Variants in SLC44A2 observed in about 807,000 individuals in gnomAD.
SLC44A2 encodes the protein solute carrier family 44 member 2 (CTL2 blood group).
A neutral mutation model predicts 90.8 loss-of-function variants in SLC44A2; 57 were observed. The ratio of observed to expected loss-of-function variants is 0.63; its 90% CI spans 0.51 to 0.78. SLC44A2 has a LOEUF of 0.78. SLC44A2 is among the 30% of genes least tolerant of loss of function. The probability of loss-of-function intolerance (pLI) is 0.00; values close to 1 mark genes in which losing one functional copy is unlikely to be tolerated. For missense variants in SLC44A2, 794 were observed against 919.7 expected (o/e 0.86, Z 1.77); for synonymous variants, 355 against 360.7 (o/e 0.98, Z 0.18).
rs2288904 is a variant in SLC44A2, at chr19:10,631,494, A to G, written c.461A>G (p.Gln154Arg). ...TGGCAGGGAGTGGCTGAGGTGCTTC[A>G]AGATGGTGACTGCCCTGCTGTCCTC... ...KNNKGVAEVL[Q>R]DGDCPAVLIP... is the part of the protein sequence containing the mutation. Residue 154 changes from glutamine (Q) to arginine (R), a missense_variant, in exon 7 of 22, where the codon CAA becomes CGA. Coordinates refer to ENST00000335757, the MANE Select transcript of SLC44A2 (RefSeq NM_020428.4). 1,271,054 of 1,613,838 alleles carry G rather than the reference A, an allele frequency of 0.79. 502,435 individuals are homozygous for G. The highest frequency in any genetic ancestry group is 0.94 in the African/African-American group (70,199 of 74,998).
chr19:10,643,268 T>C lies in SLC44A2; in HGVS notation c.2015-11T>C. 6.2e-7 allele frequency: 1 copy of C among 1,606,270 alleles called. No individual in the cohort carries two copies. The highest frequency in any genetic ancestry group is 8.5e-7 in the Non-Finnish European group (1 of 1,175,856). On this transcript the variant is annotated splice_polypyrimidine_tract_variant and intron_variant, in intron 21 of 21. Transcript: ENST00000335757. ...CCCTCATGCCTCCTGCTCTGGGACC[T>C]CTCTCCACAGTGGAGGACCTGGAGA...
intron 1 of SLC44A2, among the ~76,000 whole-genome samples, chr19:10,616,889 C>G (rs147926306): frequency 5.9e-5 from 9 of 152,032 alleles, no homozygotes; most frequent in Admixed American, 5.9e-4. Flanking sequence ...ACTACAGGCA[C>G]GGACCACCAC....
rs1005003268 is a variant in SLC44A2, at chr19:10,637,847, C to T, written c.1696-9C>T. 2 of 1,614,040 alleles carry T rather than the reference C, an allele frequency of 1.2e-6. No individual in the cohort carries two copies. The highest frequency in any genetic ancestry group is 2.7e-5 in the African/African-American group (2 of 74,926). ...GTGGGTCTGATCTCTCCCTCCCACTCTCCTCCAGATTGCCATCTACGGCAC... is the reference window on the plus strand; with the variant it reads ...GTGGGTCTGATCTCTCCCTCCCACTTTCCTCCAGATTGCCATCTACGGCAC... On this transcript the variant is annotated splice_polypyrimidine_tract_variant and intron_variant, in intron 17 of 21. Transcript: ENST00000335757.
chr19:10,632,125 G>A lies in SLC44A2; in HGVS notation c.792G>A (p.Met264Ile). 6.2e-7 allele frequency: 1 copy of A among 1,614,112 alleles called. No homozygotes were observed. Among genetic ancestry groups the A allele is most frequent in the Non-Finnish European group, 8.5e-7 (1 of 1,180,016 alleles). ...TGGCTGGTATTATGGTCTGGGTGAT[G>A]ATCATCATGGTGATTCTGGTGCTGG... is the stretch of plus-strand genomic sequence containing the variant. ...RFLAGIMVWV[M>I]IIMVILVLGY... The change falls in exon 10 of 22, where the codon ATG (methionine) becomes ATA (isoleucine). Residue 264 changes from methionine (M) to isoleucine (I), a missense_variant. Met to Ile is a conservative substitution (Grantham distance 10). Transcript: ENST00000335757.
chr19:10,634,938 G>C, intron 11 of SLC44A2, 36 bp from the exon 12 acceptor site: 1 of 1,614,142 alleles, frequency 6.2e-7, no homozygotes, highest in Non-Finnish European at 8.5e-7. Flanking sequence ...TGGAGGGAGT[G>C]GGGAGCCCAG....
chr19:10,626,451 A>G (rs2066934744), intron 2 of SLC44A2, 150 bp downstream of exon 2: 1 of 659,686 alleles, frequency 1.5e-6, no homozygotes, highest in African/African-American at 1.8e-5. Flanking sequence ...CTCTGTCACC[A>G]GGCTGGAGTG....
At position 10,627,733 on chromosome 19, in the gene SLC44A2, A is replaced by G. The variant is rs199988453; in HGVS notation, c.98A>G (p.Asp33Gly). The stretch of plus-strand genomic sequence containing the variant: ...CCTCTGCTCCCCAGGGGCTGCACGG[A>G]TATCATATGCTGTGTGTTCCTGCTC... The part of the protein sequence containing the change: ...KGPIYNRGCT[D>G]IICCVFLLLA... The change falls in exon 3 of 22, where the codon GAT becomes GGT. Residue 33 changes from aspartate to glycine, a missense_variant. Physicochemically the swap from Asp to Gly is moderately conservative, Grantham distance 94. This residue lies in a region of SLC44A2 where 738 missense variants were observed against 841.1 expected (regional missense o/e 0.88). Transcript: ENST00000335757. The G allele has an allele frequency of 2.5e-4, 404 of 1,613,224 alleles. No individual in the cohort carries two copies. The highest frequency in any genetic ancestry group is 3.3e-4 in the Non-Finnish European group (394 of 1,179,972).
intron 21 of SLC44A2, 95 bp from the exon 22 acceptor site, chr19:10,643,184 A>C: frequency 6.7e-7 from 1 of 1,492,112 alleles, no homozygotes; most frequent in Non-Finnish European, 8.9e-7. Context: ...TAACCCTCTG[A>C]GGCTTCTCTG....
rs1010351219 is a variant in SLC44A2 at position 10,644,267 on chromosome 19, C to G, written c.*882C>G. Reference sequence around the variant, plus strand: ...GTGGAGGGCAGATGTCCTGGGCAAACCGGGCCCCTCTGCCCACACACCTCA... The same window carrying G: ...GTGGAGGGCAGATGTCCTGGGCAAAGCGGGCCCCTCTGCCCACACACCTCA... On this transcript the variant is annotated 3_prime_UTR_variant, in exon 22 of 22. Transcript: ENST00000335757. 1 of 152,642 alleles carries G rather than the reference C, an allele frequency of 6.6e-6. No individual in the cohort carries two copies. Among genetic ancestry groups the G allele is most frequent in the Admixed American group, 6.5e-5 (1 of 15,270 alleles). The allele number at this position is 152,642 out of a possible 1,614,324, so 9.5% of individuals were successfully genotyped here. A position where few individuals can be genotyped will look rare whatever the true frequency, so the allele number is the denominator to read the frequency against.
At chr19:10,636,128 G>T (rs150243855) in intron 14 of SLC44A2, 195 bp from the exon 15 acceptor site, 1 of 656,490 alleles carries the variant, frequency 1.5e-6, no homozygotes, top group South Asian at 2.1e-5. Flanking sequence ...TGACCCCAGT[G>T]ATGGCCACGT....
At position 10,642,521 on chromosome 19, in the gene SLC44A2, C is replaced by G; in HGVS notation, c.2014+70C>G. The G allele has an allele frequency of 6.3e-6, 9 of 1,436,414 alleles. No individual in the cohort carries two copies. The South Asian group carries it at 1.0e-4, about 16-fold the overall frequency. The allele number at this position is 1,436,414 out of a possible 1,614,324, so 89.0% of individuals were successfully genotyped here. A position where few individuals can be genotyped will look rare whatever the true frequency, so the allele number is the denominator to read the frequency against. ...TCTTTCCACTGGGCATCACATCACCCTCCAACGGGGCAACACGCTTGCCTG... is the reference window on the plus strand; with the variant it reads ...TCTTTCCACTGGGCATCACATCACCGTCCAACGGGGCAACACGCTTGCCTG... On this transcript the variant is annotated intron_variant, in intron 21 of 21. Transcript: ENST00000335757.
intron 4 of SLC44A2, among the ~76,000 whole-genome samples, chr19:10,629,927 G>C (rs2066976201): frequency 6.6e-6 from 1 of 151,770 alleles, no homozygotes; most frequent in Non-Finnish European, 1.5e-5. Context: ...CTAATTTTTT[G>C]TATTTTTAGT....
At chr19:10,638,803 T>C (rs2067086420) in intron 20 of SLC44A2, among the ~76,000 whole-genome samples, 1 of 142,504 alleles carries the variant, frequency 7.0e-6, no homozygotes, top group South Asian at 2.2e-4. Context: ...CCTGGCTAAC[T>C]TTTTTTTTTT....
At chr19:10,614,834 G>A (rs540759424) in intron 1 of SLC44A2, among the ~76,000 whole-genome samples, 10 of 151,890 alleles carry the variant, frequency 6.6e-5, no homozygotes, top group African/African-American at 2.2e-4. Context: ...AGCCGGACAT[G>A]GTGGTGCGTG....
rs758888463 is a variant in SLC44A2, at chr19:10,631,352, G to C, written c.408G>C (p.Lys136Asn). The C allele has an allele frequency of 2.5e-6, 4 of 1,614,030 alleles. No individual in the cohort carries two copies. The African/African-American group carries it at 4.0e-5, about 16-fold the overall frequency. ...ARSSRDFEYY[K>N]QFCVPGFKNN... ...GCTCCCGGGACTTTGAGTACTATAAGCAGTTCTGTGTTCCTGGCTTCAAGA... is the reference window on the plus strand; with the variant it reads ...GCTCCCGGGACTTTGAGTACTATAACCAGTTCTGTGTTCCTGGCTTCAAGA... Residue 136 changes from lysine to asparagine, a missense_variant, in exon 6 of 22, where the codon AAG (lysine) becomes AAC (asparagine). By Grantham distance (94) the Lys-to-Asn change is moderately conservative. Coordinates refer to ENST00000335757, the MANE Select transcript of SLC44A2 (RefSeq NM_020428.4).
intron 4 of SLC44A2, 95 bp downstream of exon 4, chr19:10,628,099 T>C: frequency 1.7e-6 from 2 of 1,186,222 alleles, no homozygotes; most frequent in South Asian, 2.6e-5. Flanking sequence ...AACAAGTGCT[T>C]ATAGGCTGGG....
At chr19:10,622,598 G>A (rs1274414916), upstream of SLC44A2, among the ~76,000 whole-genome samples, 1 of 151,860 alleles carries the variant, frequency 6.6e-6, no homozygotes, top group Non-Finnish European at 1.5e-5. Context: ...GCGGAGTCAT[G>A]GGATAATCAG....
At chr19:10,632,202 C>T in intron 10 of SLC44A2, 46 bp downstream of exon 10, 5 of 1,518,018 alleles carry the variant, frequency 3.3e-6, no homozygotes, top group South Asian at 1.1e-5. Context: ...AATCCGCACA[C>T]TGCCCTGCCC....
chr19:10,644,229 G>T lies in SLC44A2; in HGVS notation c.*844G>T, dbSNP rs10948. On this transcript the variant is annotated 3_prime_UTR_variant, in exon 22 of 22. Coordinates refer to ENST00000335757, the MANE Select transcript of SLC44A2 (RefSeq NM_020428.4). Reference sequence around the variant, plus strand: ...AAACTAAACCCACCCAAGGGATGATGTCAGGGGGAGAGGTGGAGGGCAGAT... The same window carrying T: ...AAACTAAACCCACCCAAGGGATGATTTCAGGGGGAGAGGTGGAGGGCAGAT... 0.73 allele frequency: 111,359 copies of T among 152,490 alleles called. 41,072 individuals carry two copies. Among genetic ancestry groups the T allele is most frequent in the African/African-American group, 0.82 (33,875 of 41,480 alleles). 9.4% of individuals were successfully genotyped at this position (152,490 alleles called of 1,614,324 possible).
Sources: gnomAD v4.1 joint callset for allele counts (sites outside exome capture counted in the v4.1 genomes callset) on GRCh38, gnomAD v4.1.1 for gene constraint, gnomAD v4.1.1 regional missense constraint, MANE v1.5 for transcripts, NCBI Gene and HGNC (gene_info 2026-07-23, HGNC 2026-07-21) for gene names.